DSCAM: variants seen among roughly 807,000 people sequenced by gnomAD.
The protein encoded by DSCAM is cell adhesion molecule DSCAM.
DSCAM carries 47 observed loss-of-function variants against 217.7 expected under a neutral mutation model. That is an observed-to-expected ratio of 0.22 (90% confidence interval 0.17 to 0.28). DSCAM has a LOEUF of 0.28. DSCAM is among the 10% of genes least tolerant of loss of function. The probability of loss-of-function intolerance (pLI) is 1.00; values close to 1 mark genes in which losing one functional copy is unlikely to be tolerated. For synonymous variants in DSCAM, 1,056 were observed against 1,015.3 expected (o/e 1.04, Z -0.76); for missense variants, 2,080 against 2,618.3 (o/e 0.79, Z 4.49).
At chr21:40,308,985 T>A (rs1684193146) in intron 9 of DSCAM, among the ~76,000 whole-genome samples, 2 of 152,200 alleles carry the variant, frequency 1.3e-5, no homozygotes, top group Non-Finnish European at 2.9e-5. Context: ...TTGCATTCAC[T>A]AACTCAAGGA....
At chr21:40,174,278 C>T (rs750713593) in intron 15 of DSCAM, among the ~76,000 whole-genome samples, 15 of 152,068 alleles carry the variant, frequency 9.9e-5, no homozygotes, top group Middle Eastern at 3.2e-3. Flanking sequence ...GGTATGATAA[C>T]GCTTTATGCA....
intron 8 of DSCAM, among the ~76,000 whole-genome samples, chr21:40,318,277 T>C (rs1456593016): frequency 2.0e-5 from 3 of 151,438 alleles, no homozygotes; most frequent in Non-Finnish European, 4.4e-5. Context: ...ATGGCACATG[T>C]ATACATGTGT....
chr21:40,125,832 G>A (rs1037672304), intron 19 of DSCAM, among the ~76,000 whole-genome samples: 1 of 152,162 alleles, frequency 6.6e-6, no homozygotes, highest in Non-Finnish European at 1.5e-5. Flanking sequence ...TGAACAACAA[G>A]GGCAGAGTGA....
chr21:40,570,015 T>C (rs2076794069), intron 3 of DSCAM, among the ~76,000 whole-genome samples: 1 of 152,192 alleles, frequency 6.6e-6, no homozygotes, highest in Non-Finnish European at 1.5e-5. Flanking sequence ...GGTGGATCTC[T>C]GCATTCCCCA....
rs749073872 is a variant in DSCAM, at chr21:40,240,349, G to GTTTTTTTT, written c.2356+35740_2356+35747dup. 2.1e-3 allele frequency among the ~76,000 whole-genome samples: 120 copies of GTTTTTTTT among 57,724 alleles called. 12 individuals are homozygous for GTTTTTTTT. The highest frequency in any genetic ancestry group is 3.9e-3 in the African/African-American group (50 of 12,986). The allele number at this position is 57,724 out of a possible 152,430, so 37.9% of individuals were successfully genotyped here. On this transcript the variant is annotated intron_variant, in intron 11 of 32. Coordinates refer to ENST00000400454, the MANE Select transcript of DSCAM (RefSeq NM_001389.5). ...AGCTACTGCAGTAGCTTCCTCACTG[G>GTTTTTTTT]TTTTTTTTTTTTTTTTTTTTTTTTG...
At chr21:40,261,099 G>A (rs888145857) in intron 11 of DSCAM, among the ~76,000 whole-genome samples, 17 of 152,178 alleles carry the variant, frequency 1.1e-4, no homozygotes, top group South Asian at 2.1e-4. Context: ...CCAAACATCT[G>A]TTCTTTTGTC....
intron 5 of DSCAM, among the ~76,000 whole-genome samples, chr21:40,348,372 G>A (rs200424402): frequency 0.021 from 125 of 6,030 alleles, no homozygotes; most frequent in Admixed American, 0.03. Flanking sequence ...ACCCCAGAGA[G>A]TTCCTATTAG....
At chr21:40,634,112 A>T (rs1398722387) in intron 3 of DSCAM, among the ~76,000 whole-genome samples, 3 of 152,258 alleles carry the variant, frequency 2.0e-5, no homozygotes, top group African/African-American at 4.8e-5. Flanking sequence ...AAGACACAAC[A>T]TATAAGTCTC....
At chr21:40,739,019 C>A (rs1032069253) in intron 1 of DSCAM, among the ~76,000 whole-genome samples, 1 of 152,180 alleles carries the variant, frequency 6.6e-6, no homozygotes, top group Non-Finnish European at 1.5e-5. Flanking sequence ...TTTCTGCTAG[C>A]GTCCAGTGAT....
At chr21:40,222,082 A>C (rs1011177521) in intron 11 of DSCAM, among the ~76,000 whole-genome samples, 2 of 152,190 alleles carry the variant, frequency 1.3e-5, no homozygotes, top group South Asian at 4.1e-4. Flanking sequence ...ACTTCAAGGG[A>C]AACAACTGAG....
chr21:40,218,110 T>C (rs1315593343), intron 11 of DSCAM, among the ~76,000 whole-genome samples: 1 of 152,182 alleles, frequency 6.6e-6, no homozygotes, highest in Non-Finnish European at 1.5e-5. Flanking sequence ...TAGGTTGTCT[T>C]CCAGGGTTTT....
intron 3 of DSCAM, among the ~76,000 whole-genome samples, chr21:40,666,944 G>A (rs1344371867): frequency 3.9e-5 from 6 of 152,146 alleles, no homozygotes; most frequent in Admixed American, 2.6e-4. Context: ...AACAGCAAGC[G>A]TTTTGCAAAA....
At chr21:40,340,237 G>T (rs1046070307) in intron 6 of DSCAM, among the ~76,000 whole-genome samples, 1 of 152,108 alleles carries the variant, frequency 6.6e-6, no homozygotes, top group Non-Finnish European at 1.5e-5. Flanking sequence ...AAGAGAACAG[G>T]CATGACCCAG....
intron 3 of DSCAM, among the ~76,000 whole-genome samples, chr21:40,436,578 G>C (rs1372438122): frequency 6.6e-6 from 1 of 152,170 alleles, no homozygotes; most frequent in Non-Finnish European, 1.5e-5. Context: ...TGACCCAGAT[G>C]ACAGAAAACA....
chr21:40,128,507 G>C (rs997566760), intron 19 of DSCAM, among the ~76,000 whole-genome samples: 1 of 151,974 alleles, frequency 6.6e-6, no homozygotes, highest in East Asian at 1.9e-4. Context: ...AGTTTCCTGG[G>C]TGGGCTGGGT....
chr21:40,021,902 G>T (rs1293991336), intron 32 of DSCAM, among the ~76,000 whole-genome samples: 1 of 152,302 alleles, frequency 6.6e-6, no homozygotes, highest in Admixed American at 6.5e-5. Flanking sequence ...TGGCCTGACT[G>T]TGGGAAAACT....
At chr21:40,416,277 C>T (rs1230436581) in intron 3 of DSCAM, among the ~76,000 whole-genome samples, 1 of 152,134 alleles carries the variant, frequency 6.6e-6, no homozygotes, top group Non-Finnish European at 1.5e-5. Context: ...AACTCCGTTA[C>T]CCTTATTTGT....
chr21:40,363,189 T>C (rs2074786747), intron 4 of DSCAM, among the ~76,000 whole-genome samples: 1 of 151,920 alleles, frequency 6.6e-6, no homozygotes, highest in South Asian at 2.1e-4. Context: ...CTGGGACTTC[T>C]CAGTGGAAAG....
intron 3 of DSCAM, among the ~76,000 whole-genome samples, chr21:40,639,948 G>A (rs2089857322): frequency 6.6e-6 from 1 of 152,152 alleles, no homozygotes; most frequent in Non-Finnish European, 1.5e-5. Flanking sequence ...GCTCCATATC[G>A]ATTCATGGAA....
Sources: gnomAD v4.1 joint callset for allele counts (sites outside exome capture counted in the v4.1 genomes callset) on GRCh38, gnomAD v4.1.1 for gene constraint, MANE v1.5 for transcripts, NCBI Gene and HGNC (gene_info 2026-07-23, HGNC 2026-07-21) for gene names.